The following TEX11 variants were observed in gnomAD, a reference collection of about 807,000 sequenced individuals.
The protein encoded by TEX11 is testis expressed 11, also known as testis-expressed protein 11.
In TEX11, 7 loss-of-function variants were observed where a neutral mutation model predicts 84.4. The ratio of observed to expected loss-of-function variants is 0.08; its 90% confidence interval spans 0.05 to 0.16. The LOEUF (loss-of-function observed/expected upper bound fraction) is 0.16. TEX11 is among the 10% of genes least tolerant of loss of function. The pLI is 1.00. For synonymous variants in TEX11, 264 were observed against 222.8 expected (o/e 1.18, Z -1.64); for missense variants, 551 against 660.5 (o/e 0.83, Z 1.82).
chrX:70,888,513 T>C (rs1398063192), intron 2 of TEX11, among the ~76,000 whole-genome samples: 1 of 111,412 alleles, frequency 9.0e-6, no homozygotes, highest in African/African-American at 3.3e-5. Context: ...ACAGGCTGTT[T>C]GAAAATACAT....
chrX:70,877,102 T>C (rs755468799), intron 3 of TEX11, among the ~76,000 whole-genome samples: 6 of 110,600 alleles, frequency 5.4e-5, no homozygotes, highest in Non-Finnish European at 9.5e-5. Context: ...GAAACCAGCC[T>C]GGCCAACATG....
intron 8 of TEX11, among the ~76,000 whole-genome samples, chrX:70,818,457 T>C (rs1404036834): frequency 9.0e-6 from 1 of 111,292 alleles, no homozygotes; most frequent in African/African-American, 3.3e-5. Flanking sequence ...CTTAGAGGTA[T>C]TCCTTCAGCT....
At chrX:70,726,719 C>T (rs1370647851) in intron 11 of TEX11, among the ~76,000 whole-genome samples, 2 of 109,878 alleles carry the variant, frequency 1.8e-5, no homozygotes, top group Admixed American at 1.9e-4. Context: ...TTAGTAGAGA[C>T]GAGGTTTCAC....
At chrX:70,759,388 A>C (rs1261029155) in intron 9 of TEX11, among the ~76,000 whole-genome samples, 1 of 111,784 alleles carries the variant, frequency 8.9e-6, no homozygotes, top group Non-Finnish European at 1.9e-5. Context: ...TGGCAAACCA[A>C]ATCCAGCAGC....
At chrX:70,825,028 T>C (rs1261425264) in intron 8 of TEX11, among the ~76,000 whole-genome samples, 6 of 111,703 alleles carry the variant, frequency 5.4e-5, no homozygotes, top group South Asian at 3.7e-4. Flanking sequence ...AGAAAATGTA[T>C]AGGGGTTGGG....
Position 70,535,527 on chromosome X carries a change from G to A in TEX11, c.2521-5528C>T, listed in dbSNP as rs184307343. Among the ~76,000 whole-genome samples, 34 of 111,438 alleles carry A rather than the reference G, an allele frequency of 3.1e-4. No individual in the cohort carries two copies. The East Asian group carries it at 8.1e-3, about 26-fold the overall frequency. On this transcript the variant is annotated intron_variant, in intron 28 of 29. Coordinates refer to ENST00000374333, the MANE Select transcript of TEX11 (RefSeq NM_031276.3). The stretch of plus-strand genomic sequence containing the variant: ...TTTGGAAGGCCAAGGAGGGTGAGTT[G>A]CTTGAGCTCAGAAGGTTGAGACCAG...
chrX:70,548,737 G>T (rs2147943228), intron 28 of TEX11, among the ~76,000 whole-genome samples: 1 of 112,059 alleles, frequency 8.9e-6, no homozygotes, highest in East Asian at 2.8e-4. Context: ...GAGAGCAATT[G>T]TCCATCCCAG....
intron 2 of TEX11, among the ~76,000 whole-genome samples, chrX:70,895,490 A>G (rs1169846672): frequency 8.9e-6 from 1 of 112,093 alleles, no homozygotes; most frequent in Non-Finnish European, 1.9e-5. Context: ...CTAAGCTATC[A>G]TTGACTTTCT....
At chrX:70,847,045 C>T (rs758366051) in intron 7 of TEX11, among the ~76,000 whole-genome samples, 1 of 111,844 alleles carries the variant, frequency 8.9e-6, no homozygotes, top group East Asian at 2.8e-4. Flanking sequence ...CCCACAGTAA[C>T]AGTGAGTTCT....
intron 9 of TEX11, among the ~76,000 whole-genome samples, chrX:70,780,938 C>T (rs986932886): frequency 8.9e-6 from 1 of 112,559 alleles, no homozygotes; most frequent in Non-Finnish European, 1.9e-5. Context: ...TGTCTGACAG[C>T]TCTGAAGAGA....
chrX:70,794,894 C>T (rs373538917), intron 9 of TEX11, among the ~76,000 whole-genome samples: 3 of 108,190 alleles, frequency 2.8e-5, no homozygotes, highest in African/African-American at 1.0e-4. Context: ...TGTGAGCCAA[C>T]ACATTCCCAG....
At chrX:70,688,268 C>T (rs2090205052) in intron 13 of TEX11, among the ~76,000 whole-genome samples, 1 of 111,136 alleles carries the variant, frequency 9.0e-6, no homozygotes. Flanking sequence ...CTACAGGAGC[C>T]ATTTCACTGC....
At chrX:70,625,673 T>C (rs916522343) in intron 18 of TEX11, among the ~76,000 whole-genome samples, 2 of 111,603 alleles carry the variant, frequency 1.8e-5, no homozygotes, top group Non-Finnish European at 3.8e-5. Context: ...GCCTACTAGC[T>C]CCCAGGTCAT....
intron 13 of TEX11, among the ~76,000 whole-genome samples, chrX:70,687,968 A>G (rs778118238): frequency 1.6e-4 from 18 of 110,153 alleles, no homozygotes; most frequent in Non-Finnish European, 2.5e-4. Flanking sequence ...AAACAGACTG[A>G]AAAAAAAACT....
intron 25 of TEX11, among the ~76,000 whole-genome samples, chrX:70,569,477 A>G (rs919357644): frequency 1.8e-5 from 2 of 111,021 alleles, no homozygotes; most frequent in Non-Finnish European, 3.8e-5. Flanking sequence ...AGGAGGAGAG[A>G]CGCTCTGATT....
At chrX:70,521,838 A>G in the TEX11 span, among the ~76,000 whole-genome samples, 1 of 111,218 alleles carries the variant, frequency 9.0e-6, no homozygotes. Flanking sequence ...AAGAGTGAGG[A>G]CAGGTCTGAT....
chrX:70,838,803 A>G (rs188055869), intron 7 of TEX11, among the ~76,000 whole-genome samples: 1,319 of 112,581 alleles, frequency 0.012, 8 homozygotes, highest in South Asian at 0.024. Flanking sequence ...GCGCTTTTCC[A>G]ACGGGCTTAA....
At chrX:70,624,042 G>A (rs1310732935) in intron 19 of TEX11, 36 bp from the exon 20 acceptor site, 9 of 1,123,701 alleles carry the variant, frequency 8.0e-6, no homozygotes, top group Non-Finnish European at 1.1e-5. Context: ...TGATTCTTAG[G>A]TTAGGAAGAA....
intron 17 of TEX11, among the ~76,000 whole-genome samples, chrX:70,630,693 G>A (rs1386171052): frequency 1.8e-5 from 2 of 111,525 alleles, no homozygotes; most frequent in Non-Finnish European, 3.8e-5. Context: ...AAATATAAAT[G>A]ACCAAATGAC....
Sources: gnomAD v4.1 joint callset for allele counts (sites outside exome capture counted in the v4.1 genomes callset) on GRCh38, gnomAD v4.1.1 for gene constraint, MANE v1.5 for transcripts, NCBI Gene and HGNC (gene_info 2026-07-23, HGNC 2026-07-21) for gene names.